Variants in CHD3 observed in about 807,000 individuals in gnomAD.
CHD3 encodes chromodomain helicase DNA binding protein 3, also known as ATP-dependent chromatin remodeler CHD3.
In CHD3, 52 loss-of-function variants were observed where a neutral mutation model predicts 248.9. The ratio of observed to expected loss-of-function variants is 0.21; its 90% CI spans 0.17 to 0.26. CHD3 has a LOEUF of 0.26. Ranked by LOEUF, CHD3 falls within the 10% of genes least tolerant of loss-of-function variation. The pLI is 1.00. For synonymous variants in CHD3, 985 were observed against 985.2 expected (o/e 1.00, Z 0.00); for missense variants, 1,482 against 2,605.8 (o/e 0.57, Z 9.39).
upstream of CHD3, chr17:7,888,739 C>G (rs532681090): frequency 6.0e-6 from 7 of 1,173,640 alleles, no homozygotes; most frequent in South Asian, 1.9e-5. Context: ...TGCGCGCGTG[C>G]GCGCGCGTGC....
upstream of CHD3, chr17:7,884,941 G>GGAC (rs1170689137): frequency 1.4e-6 from 2 of 1,396,096 alleles, no homozygotes; most frequent in African/African-American, 1.5e-5. Context: ...ACGATGAGGA[G>GGAC]GACGACGACG....
At chr17:7,891,268 G>A (rs183627742) in intron 4 of CHD3, among the ~76,000 whole-genome samples, 2 of 152,300 alleles carry the variant, frequency 1.3e-5, no homozygotes, top group African/African-American at 2.4e-5. Context: ...ACTGAGGGGC[G>A]AGGGGTGGAG....
intron 19 of CHD3, 36 bp downstream of exon 19, chr17:7,901,029 A>G (rs1323883531): frequency 6.3e-6 from 10 of 1,599,886 alleles, no homozygotes; most frequent in Non-Finnish European, 7.7e-6. Flanking sequence ...TCGAACGCCC[A>G]TTCTCAGAAA....
rs553797455 is a variant in CHD3 at position 7,904,656 on chromosome 17, A to T, written c.4072+37A>T. On this transcript the variant is annotated intron_variant, in intron 25 of 39. Coordinates refer to ENST00000330494, the MANE Select transcript of CHD3 (RefSeq NM_001005273.3). This position sits in a 1 kb window ranked among gnomAD's most constrained non-coding sequence, Gnocchi z 4.4. ...CCCAGATGCAGGCAGTAAAGGGGGG[A>T]AGTGATGATGAGTAGGGACTTGAAG... The T allele has an allele frequency of 7.0e-6, 11 of 1,582,536 alleles. No homozygotes were observed. In the Admixed American group the frequency reaches 1.0e-4, roughly 15 times the overall value.
chr17:7,890,926 C>A lies in CHD3; in HGVS notation c.385-14C>A. On this transcript the variant is annotated splice_polypyrimidine_tract_variant and intron_variant, in intron 3 of 39. Coordinates refer to ENST00000330494, the MANE Select transcript of CHD3 (RefSeq NM_001005273.3). ...TGGAGGAGCACCTACTTCACCAAAG[C>A]CCCTCTCCCGCAGCAAGTGGAACAG... 3 of 1,613,852 alleles carry A rather than the reference C, an allele frequency of 1.9e-6. No individual in the cohort carries two copies. The highest frequency in any genetic ancestry group is 2.5e-6 in the Non-Finnish European group (3 of 1,179,926).
At position 7,908,608 on chromosome 17, in the gene CHD3, T is replaced by G; in HGVS notation, c.5262-89T>G. The G allele has an allele frequency of 6.3e-7, 1 of 1,591,850 alleles. No individual in the cohort carries two copies. Among genetic ancestry groups the G allele is most frequent in the East Asian group, 2.3e-5 (1 of 44,442 alleles). ...CCCAGGGACAGGGCTAGTGCCACACTTTGGGGAGTCAAGCCAAAAGGAAGA... is the reference window on the plus strand; with the variant it reads ...CCCAGGGACAGGGCTAGTGCCACACGTTGGGGAGTCAAGCCAAAAGGAAGA... On this transcript the variant is annotated intron_variant, in intron 35 of 39. Coordinates refer to ENST00000330494, the MANE Select transcript of CHD3 (RefSeq NM_001005273.3). The surrounding 1 kb of genome is among the most constrained non-coding windows in gnomAD (Gnocchi z 5.8).
chr17:7,897,158 T>G lies in CHD3; in HGVS notation c.1783T>G (p.Tyr595Asp), dbSNP rs747550371. 6.2e-7 allele frequency: 1 copy of G among 1,614,164 alleles called. No homozygotes were observed. Among genetic ancestry groups the G allele is most frequent in the Non-Finnish European group, 8.5e-7 (1 of 1,180,012 alleles). The change falls in exon 11 of 40, where the codon TAT becomes GAT. Residue 595 changes from tyrosine (Y) to aspartate (D), a missense_variant. Physicochemically the swap from Tyr to Asp is radical, Grantham distance 160. Coordinates refer to ENST00000330494, the MANE Select transcript of CHD3 (RefSeq NM_001005273.3). This position sits in a 1 kb window ranked among gnomAD's most constrained non-coding sequence, Gnocchi z 4.8. Reference sequence around the variant, plus strand: ...CATGGATGAGCCCCCACCCCTGGACTATGGCTCCGGCGAGGATGATGGGAA... The same window carrying G: ...CATGGATGAGCCCCCACCCCTGGACGATGGCTCCGGCGAGGATGATGGGAA... ...NDMDEPPPLD[Y>D]GSGEDDGKSD...
chr17:7,901,656 G>A (rs1426815702), intron 20 of CHD3, among the ~76,000 whole-genome samples: 5 of 151,820 alleles, frequency 3.3e-5, no homozygotes, highest in African/African-American at 9.7e-5. Flanking sequence ...GATTACAGGC[G>A]TGCACCACCA....
chr17:7,886,480 G>A (rs1967970190), upstream of CHD3, among the ~76,000 whole-genome samples: 1 of 152,180 alleles, frequency 6.6e-6, no homozygotes, highest in South Asian at 2.1e-4. The surrounding 1 kb of genome is among the most constrained non-coding windows in gnomAD (Gnocchi z 4.2). Flanking sequence ...ATATTGATCC[G>A]TGTGGCTTCT....
intron 2 of CHD3, 130 bp from the exon 3 acceptor site, chr17:7,890,440 AG>A (rs1206169634): frequency 7.6e-6 from 5 of 653,818 alleles, no homozygotes; most frequent in African/African-American, 1.9e-5. Flanking sequence ...AAAAAAAAAA[AG>A]GAGATAAAAA....
intron 5 of CHD3, 116 bp downstream of exon 5, chr17:7,893,685 G>A: frequency 1.3e-6 from 2 of 1,529,390 alleles, no homozygotes; most frequent in Non-Finnish European, 8.8e-7. Context: ...ATGCTTTCCA[G>A]GAAGTGGGGC....
In CHD3 at chr17:7,907,085, C is replaced by T. The variant is rs373317251; in HGVS notation, c.4667-41C>T. 14 of 1,613,832 alleles carry T rather than the reference C, an allele frequency of 8.7e-6. No homozygotes were observed. The highest frequency in any genetic ancestry group is 4.5e-5 in the East Asian group (2 of 44,876). On this transcript the variant is annotated intron_variant, in intron 30 of 39. Coordinates refer to ENST00000330494, the MANE Select transcript of CHD3 (RefSeq NM_001005273.3). The surrounding 1 kb of genome is among the most constrained non-coding windows in gnomAD (Gnocchi z 4.3). Reference sequence around the variant, plus strand: ...ACAGAAAGGGAGCCAGGAGTCAGGGCGGGAGAATCTCTGTCTTTATCACTG... The same window carrying T: ...ACAGAAAGGGAGCCAGGAGTCAGGGTGGGAGAATCTCTGTCTTTATCACTG...
At position 7,906,852 on chromosome 17, in the gene CHD3, C is replaced by T; in HGVS notation, c.4504-17C>T. On this transcript the variant is annotated splice_polypyrimidine_tract_variant and intron_variant, in intron 29 of 39. Coordinates refer to ENST00000330494, the MANE Select transcript of CHD3 (RefSeq NM_001005273.3). This position sits in a 1 kb window ranked among gnomAD's most constrained non-coding sequence, Gnocchi z 5.0. ...CGCCTGGAGCTGACACCTAACCCTCCCACCCTGCCACCCCAGGTGCAGGAG... is the reference window on the plus strand; with the variant it reads ...CGCCTGGAGCTGACACCTAACCCTCTCACCCTGCCACCCCAGGTGCAGGAG... 1 of 1,613,930 alleles carries T rather than the reference C, an allele frequency of 6.2e-7. No individual in the cohort carries two copies. The highest frequency in any genetic ancestry group is 8.5e-7 in the Non-Finnish European group (1 of 1,179,906).
chr17:7,901,990 G>A (rs1357812952), intron 20 of CHD3, among the ~76,000 whole-genome samples: 2 of 152,002 alleles, frequency 1.3e-5, no homozygotes, highest in Admixed American at 1.3e-4. Flanking sequence ...GAAAGCTCTG[G>A]GTCTACTCAC....
In CHD3 at chr17:7,904,319, C is replaced by T; in HGVS notation, c.3895-123C>T. 3.5e-6 allele frequency: 3 copies of T among 851,880 alleles called. No homozygotes were observed. The highest frequency in any genetic ancestry group is 5.6e-6 in the Non-Finnish European group (3 of 535,218). The allele number at this position is 851,880 out of a possible 1,614,324, so 52.8% of individuals were successfully genotyped here. A position where few individuals can be genotyped will look rare whatever the true frequency, so the allele number is the denominator to read the frequency against. ...CAATGTCCAGAAAATGTATGCAGAGCCACGAAGCTGCAGGAGTGGGGAGAC... is the reference window on the plus strand; with the variant it reads ...CAATGTCCAGAAAATGTATGCAGAGTCACGAAGCTGCAGGAGTGGGGAGAC... On this transcript the variant is annotated intron_variant, in intron 24 of 39. Coordinates refer to ENST00000330494, the MANE Select transcript of CHD3 (RefSeq NM_001005273.3). This position sits in a 1 kb window ranked among gnomAD's most constrained non-coding sequence, Gnocchi z 4.4.
In CHD3 at chr17:7,903,510, A is replaced by T. The variant is rs751939504; in HGVS notation, c.3727+7A>T. Reference sequence around the variant, plus strand: ...TTCAAGGATGAAAACGAGGGTGAGAACCTTTTCTGCAGCTCTGTGAAAGCA... The same window carrying T: ...TTCAAGGATGAAAACGAGGGTGAGATCCTTTTCTGCAGCTCTGTGAAAGCA... On this transcript the variant is annotated splice_region_variant and intron_variant, in intron 23 of 39. Transcript: ENST00000330494. The surrounding 1 kb of genome is among the most constrained non-coding windows in gnomAD (Gnocchi z 6.8). 1.2e-6 allele frequency: 2 copies of T among 1,606,290 alleles called. No individual in the cohort carries two copies. The highest frequency in any genetic ancestry group is 3.4e-5 in the Admixed American group (2 of 59,346).
upstream of CHD3, among the ~76,000 whole-genome samples, chr17:7,887,229 A>G (rs1462208729): frequency 6.6e-6 from 1 of 152,072 alleles, no homozygotes; most frequent in African/African-American, 2.4e-5. Context: ...AGAGATTTCC[A>G]TTGTTTTCCA....
chr17:7,884,930 G>T, upstream of CHD3: 1 of 1,409,076 alleles, frequency 7.1e-7, no homozygotes, highest in Non-Finnish European at 9.3e-7. Context: ...GGCCGACGAG[G>T]ACGATGAGGA....
chr17:7,908,030 C>T lies in CHD3; in HGVS notation c.5152+11C>T, dbSNP rs1971209359. ...ATGGTGGCTTCACAGGTTGGGGAGACTCTCGCTGCTTTCTGCTCCTCAAGG... is the reference window on the plus strand; with the variant it reads ...ATGGTGGCTTCACAGGTTGGGGAGATTCTCGCTGCTTTCTGCTCCTCAAGG... On this transcript the variant is annotated intron_variant, in intron 34 of 39. Transcript: ENST00000330494. This position sits in a 1 kb window ranked among gnomAD's most constrained non-coding sequence, Gnocchi z 5.8. 1.9e-6 allele frequency: 3 copies of T among 1,587,754 alleles called. No homozygotes were observed. The highest frequency in any genetic ancestry group is 2.6e-6 in the Non-Finnish European group (3 of 1,162,344).
Sources: gnomAD v4.1 joint callset for allele counts (sites outside exome capture counted in the v4.1 genomes callset) on GRCh38, gnomAD v4.1.1 for gene constraint, Gnocchi (gnomAD v3.1) non-coding constraint, MANE v1.5 for transcripts, NCBI Gene and HGNC (gene_info 2026-07-23, HGNC 2026-07-21) for gene names.